Variants in CLCN5 observed in about 807,000 individuals in gnomAD.
The protein encoded by CLCN5 is H(+)/Cl(-) exchange transporter 5.
In CLCN5, 17 loss-of-function variants were observed where a neutral mutation model predicts 54.0. The observed-to-expected ratio is 0.31, with a 90% CI of 0.22 to 0.47. CLCN5 has a LOEUF of 0.47. CLCN5 is among the 20% of genes least tolerant of loss of function. The probability of loss-of-function intolerance (pLI) is 1.00; values close to 1 mark genes in which losing one functional copy is unlikely to be tolerated. For synonymous variants in CLCN5, 222 were observed against 233.0 expected, an observed-to-expected ratio of 0.95 and a Z score of 0.43; for missense variants, 448 against 646.7, an observed-to-expected ratio of 0.69 and a Z score of 3.33.
intron 3 of CLCN5, among the ~76,000 whole-genome samples, chrX:50,000,931 C>T (rs1602030458): frequency 9.0e-6 from 1 of 111,313 alleles, no homozygotes; most frequent in South Asian, 3.8e-4. Flanking sequence ...CCTTGGATGA[C>T]TGTTTCATAA....
intron 3 of CLCN5, among the ~76,000 whole-genome samples, chrX:50,002,793 G>A (rs1301227838): frequency 1.8e-5 from 2 of 109,152 alleles, no homozygotes; most frequent in African/African-American, 6.7e-5. Context: ...CTAATGACCT[G>A]CATGCCAGAT....
chrX:49,952,033 T>C (rs1927064840), intron 3 of CLCN5, among the ~76,000 whole-genome samples: 1 of 112,520 alleles, frequency 8.9e-6, no homozygotes, highest in Non-Finnish European at 1.9e-5. Flanking sequence ...TTTCTAGTTA[T>C]GCATAGATGA....
intron 3 of CLCN5, chrX:50,003,258 A>G (rs1355146260): frequency 8.0e-6 from 3 of 375,863 alleles, no homozygotes; most frequent in Non-Finnish European, 1.6e-5. Flanking sequence ...TCTCCAGTGC[A>G]TAGGCATGAG....
chrX:50,060,590 G>A (rs1221898537), intron 4 of CLCN5, among the ~76,000 whole-genome samples: 24 of 109,033 alleles, frequency 2.2e-4, no homozygotes, highest in Admixed American at 3.8e-4. Context: ...AGGGGCGCCC[G>A]CCATTGCCCA....
chrX:50,067,659 CTG>C (rs1444046115), intron 4 of CLCN5: 1 of 751,412 alleles, frequency 1.3e-6, no homozygotes, highest in Admixed American at 8.9e-5. Flanking sequence ...GCACTTCAGA[CTG>C]GGGCTTCTTT....
intron 3 of CLCN5, among the ~76,000 whole-genome samples, chrX:49,989,980 GT>G (rs782714269): frequency 9.9e-5 from 11 of 111,460 alleles, no homozygotes; most frequent in African/African-American, 1.3e-4. Context: ...TCATTTCTCC[GT>G]TATGTACTTA....
At chrX:49,949,683 A>G (rs1399385914) in intron 3 of CLCN5, among the ~76,000 whole-genome samples, 4 of 111,866 alleles carry the variant, frequency 3.6e-5, no homozygotes, top group African/African-American at 1.3e-4. Context: ...GAGTTATTGC[A>G]TATTAATACT....
chrX:50,015,791 A>G (rs782797773), intron 3 of CLCN5, among the ~76,000 whole-genome samples: 3 of 110,940 alleles, frequency 2.7e-5, no homozygotes, highest in Non-Finnish European at 5.7e-5. Context: ...TTGCAAATTT[A>G]TAGTGTTCAG....
At chrX:50,062,054 T>G (rs1242838810) in intron 4 of CLCN5, among the ~76,000 whole-genome samples, 2 of 105,523 alleles carry the variant, frequency 1.9e-5, no homozygotes, top group Non-Finnish European at 3.8e-5. Context: ...TGCAAAATCA[T>G]GCCAAAATGT....
At chrX:50,034,537 A>T (rs189247817) in intron 3 of CLCN5, among the ~76,000 whole-genome samples, 2 of 111,470 alleles carry the variant, frequency 1.8e-5, no homozygotes, top group Admixed American at 1.9e-4. Flanking sequence ...AGAAAAGTTT[A>T]TTGTTTCTCT....
intron 4 of CLCN5, among the ~76,000 whole-genome samples, chrX:50,052,121 G>A (rs907590439): frequency 1.2e-4 from 13 of 112,098 alleles, no homozygotes; most frequent in Middle Eastern, 4.6e-3. Flanking sequence ...GGGGAAAAGA[G>A]TCTAGTTTCT....
intron 3 of CLCN5, among the ~76,000 whole-genome samples, chrX:50,026,935 G>T (rs1403053746): frequency 9.0e-6 from 1 of 110,595 alleles, no homozygotes; most frequent in Non-Finnish European, 1.9e-5. Context: ...TGGACCTGTG[G>T]TTTGGTATCT....
In CLCN5 at chrX:50,072,552, G is replaced by A. The variant is rs782720805; in HGVS notation, c.379G>A (p.Gly127Ser). Residue 127 changes from glycine (G) to serine (S), a missense_variant, in exon 6 of 15, where the codon GGC (glycine) becomes AGC (serine). Gly to Ser is a moderately conservative substitution (Grantham distance 56, BLOSUM62 0). This residue lies in a region of CLCN5 where 41 missense variants were observed against 71.3 expected (regional missense o/e 0.58). Transcript: ENST00000376091. ...LIHSVSDAFS[G>S]WLLMLLIGLL... is the part of the protein sequence containing the mutation. ...TCACAGTGTGAGTGATGCTTTTTCC[G>A]GCTGGTTGTTGATGCTCCTTATTGG... is the stretch of plus-strand genomic sequence containing the variant. The A allele has an allele frequency of 5.8e-6, 7 of 1,207,873 alleles. No homozygotes were observed. The highest frequency in any genetic ancestry group is 1.8e-5 in the South Asian group (1 of 56,877).
Position 50,075,837 on chromosome X carries a change from C to T in CLCN5, c.458C>T (p.Thr153Ile). ...ATAGACATCTCTGCTCATTGGATGA[C>T]AGACTTAAAAGAAGGTATATGCACA... ...GLIDISAHWM[T>I]DLKEGICTGG... The change falls in exon 7 of 15, where the codon ACA (threonine) becomes ATA (isoleucine). Residue 153 changes from threonine (T) to isoleucine (I), a missense_variant. Thr to Ile is a moderately conservative substitution (Grantham distance 89, BLOSUM62 -1). Coordinates refer to ENST00000376091, the MANE Select transcript of CLCN5 (RefSeq NM_001127898.4). The T allele has an allele frequency of 8.3e-7, 1 of 1,211,194 alleles. No homozygotes were observed. Among genetic ancestry groups the T allele is most frequent in the Non-Finnish European group, 1.1e-6 (1 of 895,078 alleles).
At chrX:50,055,271 A>G (rs1361329049) in intron 4 of CLCN5, among the ~76,000 whole-genome samples, 1 of 111,851 alleles carries the variant, frequency 8.9e-6, no homozygotes. Flanking sequence ...ATACAGTATG[A>G]ATTTGGAAGG....
At chrX:50,058,878 A>G (rs1270180494) in intron 4 of CLCN5, among the ~76,000 whole-genome samples, 1 of 110,839 alleles carries the variant, frequency 9.0e-6, no homozygotes, top group Non-Finnish European at 1.9e-5. Flanking sequence ...AAGTACCCCA[A>G]CCTGATGTGT....
intron 3 of CLCN5, among the ~76,000 whole-genome samples, chrX:49,959,664 G>C (rs1377074504): frequency 1.8e-5 from 2 of 111,541 alleles, no homozygotes; most frequent in African/African-American, 6.5e-5. Flanking sequence ...TCTTTGACGT[G>C]CATGCTATCA....
At chrX:50,001,851 G>A (rs1207963523) in intron 3 of CLCN5, among the ~76,000 whole-genome samples, 1 of 110,709 alleles carries the variant, frequency 9.0e-6, no homozygotes, top group African/African-American at 3.3e-5. Flanking sequence ...GCACTTAAAT[G>A]ACCCTGGTCA....
chrX:50,075,298 TCTC>T (rs375119239), intron 6 of CLCN5, among the ~76,000 whole-genome samples: 39 of 110,922 alleles, frequency 3.5e-4, no homozygotes, highest in African/African-American at 1.2e-3. Context: ...CTTCGTCAGC[TCTC>T]CTCTCTAAGC....
Sources: allele counts gnomAD v4.1 joint callset (sites outside exome capture counted in the v4.1 genomes callset), GRCh38; gene constraint gnomAD v4.1.1; regional missense constraint gnomAD v4.1.1; transcripts MANE v1.5; gene names NCBI Gene and HGNC (gene_info 2026-07-23, HGNC 2026-07-21).